PRPSAP2: variants seen among roughly 807,000 people sequenced by gnomAD.
PRPSAP2 encodes the protein phosphoribosyl pyrophosphate synthetase associated protein 2.
PRPSAP2 carries 24 observed loss-of-function variants against 40.6 expected under a neutral mutation model. The observed-to-expected ratio is 0.59, with a 90% CI of 0.43 to 0.83. The LOEUF (loss-of-function observed/expected upper bound fraction) is 0.83. Ranked by LOEUF, PRPSAP2 falls within the 40% of genes least tolerant of loss-of-function variation. PRPSAP2 has a pLI of 0.00. For missense variants in PRPSAP2, 292 were observed against 465.6 expected (o/e 0.63, Z 3.43); for synonymous variants, 149 against 164.7 (o/e 0.90, Z 0.73).
Position 18,930,826 on chromosome 17 carries a change from T to C in PRPSAP2, c.*128T>C. The C allele has an allele frequency of 2.3e-6, 2 of 854,280 alleles. No homozygotes were observed. The highest frequency in any genetic ancestry group is 3.3e-6 in the Non-Finnish European group (2 of 614,762). 52.9% of individuals were successfully genotyped at this position (854,280 alleles called of 1,614,324 possible). A position where few individuals can be genotyped will look rare whatever the true frequency, so the allele number is the denominator to read the frequency against. On this transcript the variant is annotated 3_prime_UTR_variant, in exon 12 of 12. Coordinates refer to ENST00000268835, the MANE Select transcript of PRPSAP2 (RefSeq NM_002767.4). ...CCCTGTAACCTCACTTCTTATTGATTCCTAAGAAGATAGACCAACTTTTTA... is the reference window on the plus strand; with the variant it reads ...CCCTGTAACCTCACTTCTTATTGATCCCTAAGAAGATAGACCAACTTTTTA...
In PRPSAP2 at chr17:18,877,884, A is replaced by G; in HGVS notation, c.412+14A>G. On this transcript the variant is annotated intron_variant, in intron 6 of 11. Transcript: ENST00000268835. ...TGTGCAAAGCTGGTAAGAATGGCAG[A>G]TGTTTCACAATTAATTGGGGGCCTG... 1.9e-6 allele frequency: 3 copies of G among 1,574,170 alleles called. No individual in the cohort carries two copies. Among genetic ancestry groups the G allele is most frequent in the African/African-American group, 2.7e-5 (2 of 72,904 alleles).
intron 1 of PRPSAP2, 168 bp downstream of exon 1, chr17:18,858,429 C>A (rs1052144762): frequency 6.6e-6 from 1 of 152,494 alleles, no homozygotes; most frequent in African/African-American, 2.4e-5. Flanking sequence ...GCGCCCGCGG[C>A]CCTTCCATTT....
chr17:18,920,027 G>C lies in PRPSAP2; in HGVS notation c.734-3887G>C, dbSNP rs531621526. The stretch of plus-strand genomic sequence containing the variant: ...CTCACGTGCCCAGGCTGTTGGTGCT[G>C]GGGGGTAGGCCTGGGGCTGCCGCTC... On this transcript the variant is annotated intron_variant, in intron 9 of 11. Coordinates refer to ENST00000268835, the MANE Select transcript of PRPSAP2 (RefSeq NM_002767.4). Among the ~76,000 whole-genome samples, 11 of 152,266 alleles carry C rather than the reference G, an allele frequency of 7.2e-5. No homozygotes were observed. The East Asian group carries it at 2.1e-3, about 29-fold the overall frequency.
chr17:18,892,427 C>T (rs1423619750), intron 8 of PRPSAP2, among the ~76,000 whole-genome samples: 2 of 151,888 alleles, frequency 1.3e-5, no homozygotes, highest in East Asian at 3.9e-4. Flanking sequence ...CTGCAGCTGC[C>T]CATTTTACAT....
intron 8 of PRPSAP2, among the ~76,000 whole-genome samples, chr17:18,896,539 C>T (rs1313653792): frequency 6.8e-6 from 1 of 146,680 alleles, no homozygotes; most frequent in East Asian, 2.0e-4. Context: ...CAGGAATAAG[C>T]TTTTCAAGGC....
intron 4 of PRPSAP2, 122 bp from the exon 5 acceptor site, chr17:18,872,461 G>A (rs1470242466): frequency 2.7e-6 from 2 of 729,326 alleles, no homozygotes; most frequent in Non-Finnish European, 4.7e-6. Context: ...AGCCTACTGA[G>A]TCTTATAACA....
At chr17:18,918,735 G>T (rs1046086123) in intron 9 of PRPSAP2, among the ~76,000 whole-genome samples, 2 of 152,150 alleles carry the variant, frequency 1.3e-5, no homozygotes, top group Non-Finnish European at 2.9e-5. Flanking sequence ...CTGTCCAGTC[G>T]GGTGGCCACT....
chr17:18,885,441 G>T (rs1017246609), intron 7 of PRPSAP2, among the ~76,000 whole-genome samples: 7 of 146,902 alleles, frequency 4.8e-5, no homozygotes, highest in African/African-American at 1.7e-4. Context: ...TAATATGTGG[G>T]AACTCAGTGT....
chr17:18,915,566 A>G (rs1597728815), intron 9 of PRPSAP2, among the ~76,000 whole-genome samples: 1 of 152,286 alleles, frequency 6.6e-6, no homozygotes, highest in Non-Finnish European at 1.5e-5. Flanking sequence ...AGGGCCACAC[A>G]CTAGGTTGAA....
rs2037384742 is a variant in PRPSAP2, at chr17:18,865,823, A to G, written c.-11A>G. ...CTAGGCTCTGAAAATTGGAAAACCA[A>G]GAAGGTTTTGATGTTTTGTGTGACG... On this transcript the variant is annotated 5_prime_UTR_variant, in exon 3 of 12. Transcript: ENST00000268835. 6.8e-7 allele frequency: 1 copy of G among 1,473,654 alleles called. No homozygotes were observed. The highest frequency in any genetic ancestry group is 1.5e-5 in the South Asian group (1 of 67,282). 91.3% of individuals were successfully genotyped at this position (1,473,654 alleles called of 1,614,324 possible).
chr17:18,910,981 C>G (rs569891988), intron 8 of PRPSAP2, 122 bp from the exon 9 acceptor site: 319 of 1,218,272 alleles, frequency 2.6e-4, no homozygotes, highest in Non-Finnish European at 3.3e-4. Flanking sequence ...TTTATTCTCT[C>G]TTTTCTTTAG....
intron 4 of PRPSAP2, among the ~76,000 whole-genome samples, chr17:18,871,619 ATAATTG>A (rs2037877145): frequency 6.7e-6 from 1 of 150,160 alleles, no homozygotes. Flanking sequence ...TTCTGAATTG[ATAATTG>A]ATGCTGATTG....
chr17:18,860,201 A>G (rs2036900045), intron 1 of PRPSAP2, among the ~76,000 whole-genome samples: 1 of 152,278 alleles, frequency 6.6e-6, no homozygotes, highest in Middle Eastern at 3.4e-3. Context: ...CTGGGGTTAC[A>G]GGTGCATGCC....
intron 9 of PRPSAP2, among the ~76,000 whole-genome samples, chr17:18,916,219 T>C (rs1395788243): frequency 6.6e-6 from 1 of 152,128 alleles, no homozygotes; most frequent in African/African-American, 2.4e-5. Context: ...CAATACAGTC[T>C]TTTTCTAGCC....
chr17:18,879,127 C>T (rs1053861013), intron 6 of PRPSAP2, among the ~76,000 whole-genome samples: 50 of 152,174 alleles, frequency 3.3e-4, no homozygotes, highest in Admixed American at 3.9e-4. Context: ...GCTTTGGGCT[C>T]CTAAAATTCT....
In PRPSAP2 at chr17:18,873,643, T is replaced by G. The variant is rs145491579; in HGVS notation, c.239+994T>G. On this transcript the variant is annotated intron_variant, in intron 5 of 11. Coordinates refer to ENST00000268835, the MANE Select transcript of PRPSAP2 (RefSeq NM_002767.4). ...GAAACAGAGGCTAGGGGAGGAGACC[T>G]TTCTTAGTTGGGGTTCTTTAAGCTT... 3.9e-5 allele frequency among the ~76,000 whole-genome samples: 6 copies of G among 152,338 alleles called. No individual in the cohort carries two copies. The East Asian group carries it at 1.2e-3, about 29-fold the overall frequency.
chr17:18,913,970 T>C (rs1372002875), intron 9 of PRPSAP2, among the ~76,000 whole-genome samples: 1 of 150,686 alleles, frequency 6.6e-6, no homozygotes, highest in African/African-American at 2.4e-5. Flanking sequence ...GGTCAGGAGA[T>C]CAAGACCAGC....
intron 8 of PRPSAP2, among the ~76,000 whole-genome samples, chr17:18,906,098 A>G (rs1355598851): frequency 6.6e-6 from 1 of 152,228 alleles, no homozygotes. Context: ...TTTGACCTGA[A>G]CAGTCTTGCT....
intron 10 of PRPSAP2, among the ~76,000 whole-genome samples, chr17:18,925,863 G>T (rs183677898): frequency 6.6e-6 from 1 of 152,284 alleles, no homozygotes; most frequent in Non-Finnish European, 1.5e-5. Flanking sequence ...TGTAATCCCA[G>T]CACTTTGGGA....
Sources: allele counts gnomAD v4.1 joint callset (sites outside exome capture counted in the v4.1 genomes callset), GRCh38; gene constraint gnomAD v4.1.1; transcripts MANE v1.5; gene names NCBI Gene and HGNC (gene_info 2026-07-23, HGNC 2026-07-21).